CACNA1D: variants seen among roughly 807,000 people sequenced by gnomAD.
CACNA1D encodes the protein voltage-dependent L-type calcium channel subunit alpha-1D.
CACNA1D carries 55 observed loss-of-function variants against 257.1 expected under a neutral mutation model. The ratio of observed to expected loss-of-function variants is 0.21; its 90% CI spans 0.17 to 0.27. The LOEUF (loss-of-function observed/expected upper bound fraction) is 0.27. CACNA1D is among the 10% of genes least tolerant of loss of function. The probability of loss-of-function intolerance (pLI) is 1.00; values close to 1 mark genes in which losing one functional copy is unlikely to be tolerated. For synonymous variants in CACNA1D, 980 were observed against 1,014.9 expected, an observed-to-expected ratio of 0.97 and a Z score of 0.65; for missense variants, 1,876 against 2,784.0, an observed-to-expected ratio of 0.67 and a Z score of 7.34.
At chr3:53,624,132 C>T (rs2093730109) in intron 3 of CACNA1D, among the ~76,000 whole-genome samples, 1 of 152,086 alleles carries the variant, frequency 6.6e-6, no homozygotes, top group Non-Finnish European at 1.5e-5. Context: ...CAGATACATC[C>T]TTCTAGATAG....
intron 22 of CACNA1D, 104 bp from the exon 23 acceptor site, chr3:53,744,636 C>T (rs1371449442): frequency 6.3e-6 from 5 of 792,040 alleles, no homozygotes; most frequent in Non-Finnish European, 1.2e-5. Flanking sequence ...CCCACGCTAA[C>T]TGTGCAGGGA....
intron 26 of CACNA1D, among the ~76,000 whole-genome samples, chr3:53,747,925 C>G (rs983267686): frequency 1.3e-5 from 2 of 152,204 alleles, no homozygotes; most frequent in African/African-American, 4.8e-5. Flanking sequence ...TCTCCCCACC[C>G]GTTAAAAATG....
In CACNA1D at chr3:53,495,216, A is replaced by G; in HGVS notation, c.50A>G (p.Gln17Arg). 6.2e-7 allele frequency: 1 copy of G among 1,613,836 alleles called. No individual in the cohort carries two copies. The highest frequency in any genetic ancestry group is 8.5e-7 in the Non-Finnish European group (1 of 1,180,010). The part of the protein sequence containing the change: ...MKKMQHQRQQ[Q>R]ADHANEANYA... ...AAAATGCAGCATCAACGGCAGCAGCAAGCGGACCACGCGAACGGTGAGCAG... is the reference window on the plus strand; with the variant it reads ...AAAATGCAGCATCAACGGCAGCAGCGAGCGGACCACGCGAACGGTGAGCAG... Residue 17 changes from glutamine (Q) to arginine (R), a missense_variant, in exon 1 of 48, where the codon CAA becomes CGA. By Grantham distance (43) the Gln-to-Arg change is conservative (BLOSUM62 1). This residue lies in a region of CACNA1D where 143 missense variants were observed against 168.7 expected (regional missense o/e 0.85). Coordinates refer to ENST00000350061, the MANE Select transcript of CACNA1D (RefSeq NM_001128840.3). This position sits in a 1 kb window ranked among gnomAD's most constrained non-coding sequence, Gnocchi z 5.1.
Position 53,734,991 on chromosome 3 carries a change from A to G in CACNA1D, c.2622-383A>G, listed in dbSNP as rs2095043592. On this transcript the variant is annotated intron_variant, in intron 19 of 47. Coordinates refer to ENST00000350061, the MANE Select transcript of CACNA1D (RefSeq NM_001128840.3). ...AAGATAAACAGATGAGTTTCTTGTC[A>G]TAGTGGAAAAACTTCAGTGATGTAG... is the stretch of plus-strand genomic sequence containing the variant. Among the ~76,000 whole-genome samples, 5 of 152,170 alleles carry G rather than the reference A, an allele frequency of 3.3e-5. No individual in the cohort carries two copies. The South Asian group carries it at 1.0e-3, about 31-fold the overall frequency.
chr3:53,495,298 C>A lies in CACNA1D; in HGVS notation c.67+65C>A. 1 of 1,596,188 alleles carries A rather than the reference C, an allele frequency of 6.3e-7. No homozygotes were observed. Among genetic ancestry groups the A allele is most frequent in the Admixed American group, 1.7e-5 (1 of 59,982 alleles). ...TCCTGTCATGGTCCTCCAGCCCCCT[C>A]CCCCTTCCCCGCGGCGCTGGATGGG... On this transcript the variant is annotated intron_variant, in intron 1 of 47. Transcript: ENST00000350061. The surrounding 1 kb of genome is among the most constrained non-coding windows in gnomAD (Gnocchi z 5.1).
At chr3:53,525,282 A>G (rs2091724133) in intron 3 of CACNA1D, among the ~76,000 whole-genome samples, 1 of 152,216 alleles carries the variant, frequency 6.6e-6, no homozygotes, top group South Asian at 2.1e-4. Context: ...TAGGAGCAGT[A>G]GAAGTAAAAA....
chr3:53,761,778 G>A (rs116163097), intron 29 of CACNA1D, among the ~76,000 whole-genome samples: 3 of 152,116 alleles, frequency 2.0e-5, no homozygotes, highest in Non-Finnish European at 2.9e-5. Context: ...GCACACGTGC[G>A]TGTGTGCGTG....
At chr3:53,528,492 T>C (rs35555534) in intron 3 of CACNA1D, among the ~76,000 whole-genome samples, 22,219 of 152,196 alleles carry the variant, frequency 0.15, 1,770 homozygotes, top group Middle Eastern at 0.17. Context: ...CACCCCTCAC[T>C]ACAAGATTGT....
Position 53,614,238 on chromosome 3 carries a change from C to A in CACNA1D, c.484-36541C>A, listed in dbSNP as rs533398147. ...CCAGATCTTGTTGCACAGAGCTTGA[C>A]TGTGGTTCACTGAATGGCATAGAAA... On this transcript the variant is annotated intron_variant, in intron 3 of 47. Coordinates refer to ENST00000350061, the MANE Select transcript of CACNA1D (RefSeq NM_001128840.3). Among the ~76,000 whole-genome samples the A allele has an allele frequency of 1.3e-3, 195 of 152,092 alleles. 2 individuals are homozygous for A. The highest frequency in any genetic ancestry group is 4.6e-3 in the African/African-American group (192 of 41,452).
intron 29 of CACNA1D, among the ~76,000 whole-genome samples, chr3:53,754,188 T>C (rs1398451587): frequency 6.6e-6 from 1 of 152,222 alleles, no homozygotes; most frequent in East Asian, 1.9e-4. Flanking sequence ...CATACCATCT[T>C]TTGTTTGCTT....
rs1211842152 is a variant in CACNA1D, at chr3:53,497,415, C to T, written c.331C>T (p.Leu111Phe). 1 of 1,614,100 alleles carries T rather than the reference C, an allele frequency of 6.2e-7. No individual in the cohort carries two copies. The highest frequency in any genetic ancestry group is 8.5e-7 in the Non-Finnish European group (1 of 1,180,050). Reference protein sequence around the residue: ...RPARALFCLSLNNPIRRACIS... With the variant: ...RPARALFCLSFNNPIRRACIS... ...TGCCCGCGCCCTTTTCTGTTTATCA[C>T]TCAATAACCCCATCCGAAGAGCCTG... The change falls in exon 2 of 48, where the codon CTC (leucine) becomes TTC (phenylalanine). Residue 111 changes from leucine to phenylalanine, a missense_variant. Physicochemically the swap from Leu to Phe is conservative, Grantham distance 22. Transcript: ENST00000350061.
intron 7 of CACNA1D, among the ~76,000 whole-genome samples, chr3:53,670,832 A>G (rs1434037513): frequency 6.6e-6 from 1 of 152,054 alleles, no homozygotes; most frequent in African/African-American, 2.4e-5. Flanking sequence ...AGCAGTCTCT[A>G]TTTTCACGTG....
At chr3:53,501,748 C>G (rs1159487871) in intron 3 of CACNA1D, 28 bp downstream of exon 3, 3 of 1,223,944 alleles carry the variant, frequency 2.5e-6, no homozygotes, top group South Asian at 1.2e-5. Flanking sequence ...TCCTGCTGGT[C>G]CTGGTATATG....
chr3:53,792,008 G>A (rs2095485698), intron 40 of CACNA1D: 1 of 152,198 alleles, frequency 6.6e-6, no homozygotes, highest in African/African-American at 2.4e-5. Context: ...ATAGCTAAGT[G>A]ATTGTAAAGC....
chr3:53,541,123 A>G (rs912013646), intron 3 of CACNA1D, among the ~76,000 whole-genome samples: 2 of 152,190 alleles, frequency 1.3e-5, no homozygotes, highest in African/African-American at 4.8e-5. Flanking sequence ...CATAATCTTG[A>G]CATAATTTTG....
Position 53,585,630 on chromosome 3 carries a change from T to A in CACNA1D, c.484-65149T>A, listed in dbSNP as rs145650340. 5.6e-3 allele frequency among the ~76,000 whole-genome samples: 859 copies of A among 152,194 alleles called. 10 individuals are homozygous for A. The highest frequency in any genetic ancestry group is 0.019 in the African/African-American group (793 of 41,524). On this transcript the variant is annotated intron_variant, in intron 3 of 47. Coordinates refer to ENST00000350061, the MANE Select transcript of CACNA1D (RefSeq NM_001128840.3). ...AGAGAGAGTGAAGACCTTGTCCTTG[T>A]CTGGGGCGGCCCTGTTTCCCACTGT...
intron 8 of CACNA1D, among the ~76,000 whole-genome samples, chr3:53,698,610 T>G (rs1341881908): frequency 6.6e-6 from 1 of 152,198 alleles, no homozygotes; most frequent in Non-Finnish European, 1.5e-5. Flanking sequence ...AAATTTAAGG[T>G]GAAGAACATT....
At chr3:53,765,126 G>A (rs554609301) in intron 30 of CACNA1D, among the ~76,000 whole-genome samples, 1 of 152,314 alleles carries the variant, frequency 6.6e-6, no homozygotes, top group African/African-American at 2.4e-5. Flanking sequence ...AGGCTGTGGG[G>A]AGGCACAAAG....
chr3:53,734,273 C>A (rs951045626), intron 19 of CACNA1D, among the ~76,000 whole-genome samples: 1 of 151,106 alleles, frequency 6.6e-6, no homozygotes, highest in African/African-American at 2.4e-5. Context: ...GAAAAGCTAT[C>A]TATCTATAAT....
Sources: allele counts gnomAD v4.1 joint callset (sites outside exome capture counted in the v4.1 genomes callset), GRCh38; gene constraint gnomAD v4.1.1; regional missense constraint gnomAD v4.1.1; non-coding constraint Gnocchi (gnomAD v3.1); transcripts MANE v1.5; gene names NCBI Gene and HGNC (gene_info 2026-07-23, HGNC 2026-07-21).